Variants in CDKN2B-AS1 observed in about 807,000 individuals in gnomAD.
The protein encoded by CDKN2B-AS1 is CDKN2B and CDKN2A antisense cis and trans regulatory RNA 1.
intron 1 of CDKN2B-AS1, chr9:22,003,809 A>G (rs1821039314): frequency 4.3e-6 from 1 of 232,132 alleles, no homozygotes; most frequent in African/African-American, 2.2e-5. Flanking sequence ...CAAACCGTTT[A>G]TATTTACTAG....
At chr9:22,047,533 C>G (rs1823156349) in intron 2 of CDKN2B-AS1, among the ~76,000 whole-genome samples, 3 of 152,136 alleles carry the variant, frequency 2.0e-5, no homozygotes, top group South Asian at 2.1e-4. Flanking sequence ...AGCGAGTAAT[C>G]TATAACATTA....
At chr9:22,076,839 C>T (rs1345696299) in intron 4 of CDKN2B-AS1, among the ~76,000 whole-genome samples, 4 of 152,084 alleles carry the variant, frequency 2.6e-5, no homozygotes, top group Non-Finnish European at 4.4e-5. Context: ...ACTACAGGCA[C>T]GGGCCACCAC....
chr9:22,121,915 A>G (rs1260753210), intron 4 of CDKN2B-AS1, among the ~76,000 whole-genome samples: 1 of 152,064 alleles, frequency 6.6e-6, no homozygotes, highest in East Asian at 1.9e-4. Context: ...ATTGCTAGTA[A>G]TGGGATTGCT....
At chr9:22,041,053 C>T (rs546095678) in intron 1 of CDKN2B-AS1, among the ~76,000 whole-genome samples, 2 of 151,992 alleles carry the variant, frequency 1.3e-5, no homozygotes, top group African/African-American at 4.8e-5. Flanking sequence ...ACCACTCCCT[C>T]TCTCACTAAA....
intron 4 of CDKN2B-AS1, among the ~76,000 whole-genome samples, chr9:22,064,171 T>C (rs1303877131): frequency 6.6e-6 from 1 of 151,950 alleles, no homozygotes; most frequent in Non-Finnish European, 1.5e-5. Context: ...AAATTGGAGT[T>C]TGGGGGGAGA....
chr9:22,089,074 A>C (rs1017408775), intron 4 of CDKN2B-AS1, among the ~76,000 whole-genome samples: 1 of 152,218 alleles, frequency 6.6e-6, no homozygotes, highest in African/African-American at 2.4e-5. Context: ...AGGGTCCATG[A>C]GTTTTAAAAA....
At chr9:22,030,798 A>G (rs1822435643) in intron 1 of CDKN2B-AS1, 1 of 152,184 alleles carries the variant, frequency 6.6e-6, no homozygotes, top group Admixed American at 6.5e-5. Context: ...TGATCCCCTA[A>G]TAAATGGAAC....
chr9:22,042,132 C>T (rs1822921722), intron 1 of CDKN2B-AS1, among the ~76,000 whole-genome samples: 1 of 152,036 alleles, frequency 6.6e-6, no homozygotes, highest in Admixed American at 6.6e-5. Context: ...CTGGTAGGCA[C>T]AAGAGGCCAA....
In CDKN2B-AS1 at chr9:22,005,341, C is replaced by T. The variant is rs1270167764; in HGVS notation, n.29+10180C>T. On this transcript the variant is annotated intron_variant and non_coding_transcript_variant, in intron 1 of 4. Coordinates refer to ENST00000650946, the Ensembl canonical transcript of CDKN2B-AS1. The surrounding 1 kb of genome is among the most constrained non-coding windows in gnomAD (Gnocchi z 4.9). ...GTCGTCGCTTGCACATCCTCTCTTA[C>T]CCCTCTGCTATCTGGTGGAGTTGGG... The T allele has an allele frequency of 4.1e-6, 1 of 241,902 alleles. No individual in the cohort carries two copies. The highest frequency in any genetic ancestry group is 5.9e-5 in the East Asian group (1 of 16,884). The allele number at this position is 241,902 out of a possible 1,614,324, so 15.0% of individuals were successfully genotyped here.
chr9:22,063,983 AC>A (rs1478931161), intron 4 of CDKN2B-AS1: 1 of 152,194 alleles, frequency 6.6e-6, no homozygotes, highest in Non-Finnish European at 1.5e-5. Context: ...ACCACTGGTG[AC>A]GTTGCCTGTG....
intron 4 of CDKN2B-AS1, among the ~76,000 whole-genome samples, chr9:22,066,516 A>C (rs1056931114): frequency 2.0e-5 from 3 of 151,798 alleles, no homozygotes; most frequent in African/African-American, 7.3e-5. Context: ...TTCAAATTAC[A>C]TTTTCTGCCT....
At chr9:22,087,799 A>G (rs1231512733) in intron 4 of CDKN2B-AS1, among the ~76,000 whole-genome samples, 6 of 152,208 alleles carry the variant, frequency 3.9e-5, no homozygotes, top group African/African-American at 1.2e-4. Context: ...TTGAAGAGAA[A>G]CTTTTTCACT....
rs573081979 is a variant in CDKN2B-AS1 at position 22,099,024 on chromosome 9, G to A, written n.439-28079G>A. Among the ~76,000 whole-genome samples, 4 of 152,282 alleles carry A rather than the reference G, an allele frequency of 2.6e-5. No individual in the cohort carries two copies. In the East Asian group the frequency reaches 7.7e-4, roughly 29 times the overall value. On this transcript the variant is annotated intron_variant and non_coding_transcript_variant, in intron 4 of 4. Coordinates refer to ENST00000650946, the Ensembl canonical transcript of CDKN2B-AS1. Reference sequence around the variant, plus strand: ...CAAGAAGTGCTTTTGATGGAATTAAGCACAATGAGGGTGTTAGTACAGAAA... The same window carrying A: ...CAAGAAGTGCTTTTGATGGAATTAAACACAATGAGGGTGTTAGTACAGAAA...
intron 4 of CDKN2B-AS1, chr9:22,118,330 C>T (rs1826009901): frequency 1.3e-5 from 2 of 151,952 alleles, no homozygotes; most frequent in African/African-American, 4.8e-5. Context: ...GTTCCCTGCC[C>T]CACCCCACTC....
chr9:22,016,135 A>G lies in CDKN2B-AS1; in HGVS notation n.29+20974A>G, dbSNP rs959475044. Among the ~76,000 whole-genome samples the G allele has an allele frequency of 1.7e-3, 258 of 152,192 alleles. 5 individuals carry two copies. The highest frequency in any genetic ancestry group is 5.9e-3 in the African/African-American group (247 of 41,518). On this transcript the variant is annotated intron_variant and non_coding_transcript_variant, in intron 1 of 4. Coordinates refer to ENST00000650946, the Ensembl canonical transcript of CDKN2B-AS1. ...TTTGTCAATTTTGGCTTTTGTTGCCATTGCTTTTGGTGTTTTAGACATGAA... is the reference window on the plus strand; with the variant it reads ...TTTGTCAATTTTGGCTTTTGTTGCCGTTGCTTTTGGTGTTTTAGACATGAA...
intron 1 of CDKN2B-AS1, among the ~76,000 whole-genome samples, chr9:22,031,663 G>A (rs1444167790): frequency 1.3e-5 from 2 of 152,206 alleles, no homozygotes; most frequent in African/African-American, 4.8e-5. Flanking sequence ...GAAACTGAGA[G>A]CAGATCACCA....
At position 22,029,478 on chromosome 9, in the gene CDKN2B-AS1, G is replaced by A. The variant is rs950214772; in HGVS notation, n.30-17273G>A. The A allele has an allele frequency of 3.8e-6, 3 of 779,480 alleles. No homozygotes were observed. In the African/African-American group the frequency reaches 5.1e-5, roughly 13 times the overall value. 48.3% of individuals were successfully genotyped at this position (779,480 alleles called of 1,614,324 possible). A position where few individuals can be genotyped will look rare whatever the true frequency, so the allele number is the denominator to read the frequency against. ...CAAAGGATTCCAAGAGAGAATATTG[G>A]TGTCCATGCTGTGATGATTCCTCAG... On this transcript the variant is annotated intron_variant and non_coding_transcript_variant, in intron 1 of 4. Transcript: ENST00000650946.
intron 4 of CDKN2B-AS1, among the ~76,000 whole-genome samples, chr9:22,059,523 C>T (rs1166404512): frequency 6.6e-6 from 1 of 152,198 alleles, no homozygotes; most frequent in Non-Finnish European, 1.5e-5. Context: ...AGCCTCCCTC[C>T]AATCTGCTTT....
intron 1 of CDKN2B-AS1, among the ~76,000 whole-genome samples, chr9:22,014,094 G>A (rs1398103828): frequency 6.6e-6 from 1 of 152,046 alleles, no homozygotes; most frequent in Non-Finnish European, 1.5e-5. Flanking sequence ...CTTGGGGATG[G>A]CAAAATGGTG....
Sources: gnomAD v4.1 joint callset for allele counts (sites outside exome capture counted in the v4.1 genomes callset) on GRCh38, gnomAD v4.1.1 for gene constraint, Gnocchi (gnomAD v3.1) non-coding constraint, MANE v1.5 for transcripts, NCBI Gene and HGNC (gene_info 2026-07-23, HGNC 2026-07-21) for gene names.